LAMA2: variants seen among roughly 807,000 people sequenced by gnomAD.
The protein encoded by LAMA2 is laminin subunit alpha-2.
LAMA2 carries 269 observed loss-of-function variants against 364.8 expected under a neutral mutation model. The observed-to-expected ratio is 0.74, with a 90% CI of 0.67 to 0.82. The LOEUF (loss-of-function observed/expected upper bound fraction) is 0.82, where lower values mean the gene tolerates loss of function less well. Among genes scored for constraint, LAMA2 ranks in the 40% least tolerant of loss-of-function variants. The pLI is 0.00. For missense variants in LAMA2, 3,807 were observed against 3,873.2 expected (o/e 0.98, Z 0.45); for synonymous variants, 1,379 against 1,370.6 (o/e 1.01, Z -0.14).
chr6:129,312,728 A>G (rs1191654466), intron 22 of LAMA2, 133 bp from the exon 23 acceptor site: 21 of 723,300 alleles, frequency 2.9e-5, no homozygotes, highest in Non-Finnish European at 3.4e-5. Context: ...TGACTAAACT[A>G]GAATAGTACA....
chr6:129,275,458 A>G (rs1788242371), intron 17 of LAMA2, among the ~76,000 whole-genome samples: 1 of 152,052 alleles, frequency 6.6e-6, no homozygotes, highest in African/African-American at 2.4e-5. Flanking sequence ...AGTAATAGAA[A>G]CAATTACAGA....
At chr6:129,500,252 C>G (rs1785526110) in intron 58 of LAMA2, among the ~76,000 whole-genome samples, 1 of 152,156 alleles carries the variant, frequency 6.6e-6, no homozygotes, top group Non-Finnish European at 1.5e-5. Flanking sequence ...AGTCCTTTTC[C>G]AACTGCCAGT....
chr6:129,027,117 A>G (rs1785879046), intron 1 of LAMA2, among the ~76,000 whole-genome samples: 1 of 152,110 alleles, frequency 6.6e-6, no homozygotes, highest in South Asian at 2.1e-4. Context: ...AAAATGAACA[A>G]ACTTTGAGAA....
chr6:129,379,263 G>T (rs771664354), intron 34 of LAMA2, among the ~76,000 whole-genome samples: 1 of 152,084 alleles, frequency 6.6e-6, no homozygotes, highest in East Asian at 1.9e-4. Context: ...TAACTTATGG[G>T]CACTGGGCTT....
At chr6:129,397,217 ATACTT>A (rs1779703612) in intron 37 of LAMA2, among the ~76,000 whole-genome samples, 1 of 152,214 alleles carries the variant, frequency 6.6e-6, no homozygotes, top group African/African-American at 2.4e-5. Context: ...TTGAGCAATT[ATACTT>A]ATGCCATACT....
intron 1 of LAMA2, among the ~76,000 whole-genome samples, chr6:129,029,945 A>G (rs1445118336): frequency 6.6e-6 from 1 of 151,972 alleles, no homozygotes; most frequent in Non-Finnish European, 1.5e-5. Flanking sequence ...ATTAAAGGCC[A>G]CCTCTGGTTC....
chr6:129,357,664 C>T lies in LAMA2; in HGVS notation c.4717+4307C>T, dbSNP rs185474975. On this transcript the variant is annotated intron_variant, in intron 32 of 64. Transcript: ENST00000421865. ...GCAACTTCCAACCACTTGGTGAAAC[C>T]GGAAGTCTGAAGTTTTATCCTATCT... Among the ~76,000 whole-genome samples the T allele has an allele frequency of 3.2e-4, 48 of 152,020 alleles. No individual in the cohort carries two copies. In the East Asian group the frequency reaches 7.4e-3, roughly 23 times the overall value.
chr6:129,303,694 T>A (rs1773685689), intron 22 of LAMA2, among the ~76,000 whole-genome samples: 1 of 152,214 alleles, frequency 6.6e-6, no homozygotes, highest in Non-Finnish European at 1.5e-5. Context: ...TTTAAGCTGT[T>A]AATATGACAG....
chr6:129,094,511 A>G (rs557633294), intron 3 of LAMA2, among the ~76,000 whole-genome samples: 1 of 152,328 alleles, frequency 6.6e-6, no homozygotes, highest in African/African-American at 2.4e-5. Context: ...CACAGGAGCT[A>G]TGAAGTCATA....
Position 128,960,473 on chromosome 6 carries a change from G to GCCA in LAMA2, c.112+77118_112+77119insACC, listed in dbSNP as rs1781416785. On this transcript the variant is annotated intron_variant, in intron 1 of 64. Coordinates refer to ENST00000421865, the MANE Select transcript of LAMA2 (RefSeq NM_000426.4). ...CCGGCCTTGGCCCCACCCCGCCCCC[G>GCCA]CCGACCCCCATGAGTAGCTGGGATT... 2.6e-3 allele frequency among the ~76,000 whole-genome samples: 232 copies of GCCA among 89,418 alleles called. 1 individual carries two copies. Among genetic ancestry groups the GCCA allele is most frequent in the African/African-American group, 0.012 (225 of 18,610 alleles). The allele number at this position is 89,418 out of a possible 152,430, so 58.7% of individuals were successfully genotyped here. A position where few individuals can be genotyped will look rare whatever the true frequency, so the allele number is the denominator to read the frequency against.
At chr6:129,231,934 C>G (rs1443820913) in intron 12 of LAMA2, among the ~76,000 whole-genome samples, 1 of 151,972 alleles carries the variant, frequency 6.6e-6, no homozygotes, top group African/African-American at 2.4e-5. Flanking sequence ...ATGTCTTCAA[C>G]CTCTATGTAG....
At chr6:128,923,272 G>A (rs1778858610) in intron 1 of LAMA2, among the ~76,000 whole-genome samples, 1 of 151,646 alleles carries the variant, frequency 6.6e-6, no homozygotes, top group Admixed American at 6.6e-5. Context: ...TGATGGGAAT[G>A]GCATTGAATC....
chr6:129,386,538 G>A (rs1213380958), intron 35 of LAMA2, among the ~76,000 whole-genome samples: 1 of 151,784 alleles, frequency 6.6e-6, no homozygotes, highest in Admixed American at 6.6e-5. Context: ...ACTTTCAGTA[G>A]AAAAATAATG....
At chr6:129,034,658 A>G (rs942304776) in intron 1 of LAMA2, among the ~76,000 whole-genome samples, 10 of 152,020 alleles carry the variant, frequency 6.6e-5, no homozygotes, top group African/African-American at 2.4e-4. Flanking sequence ...CTGGGTGTCT[A>G]TTATTTCCAT....
chr6:129,031,153 G>A (rs1451590696), intron 1 of LAMA2, among the ~76,000 whole-genome samples: 2 of 152,086 alleles, frequency 1.3e-5, no homozygotes, highest in African/African-American at 4.8e-5. Context: ...AGAACAAAGT[G>A]TTTTGCTATA....
At chr6:129,345,828 C>T (rs554849765) in intron 30 of LAMA2, among the ~76,000 whole-genome samples, 12 of 152,044 alleles carry the variant, frequency 7.9e-5, no homozygotes, top group South Asian at 2.1e-4. Context: ...AAGCTTGGGA[C>T]GTATTAGGCT....
chr6:129,113,093 GA>G (rs1396939536), intron 4 of LAMA2, among the ~76,000 whole-genome samples: 1 of 152,020 alleles, frequency 6.6e-6, no homozygotes, highest in East Asian at 1.9e-4. Context: ...GCAGCATAAG[GA>G]ATAGAAACAT....
chr6:129,475,355 T>G (rs1249736689), intron 52 of LAMA2, 35 bp from the exon 53 acceptor site: 1 of 1,252,664 alleles, frequency 8.0e-7, no homozygotes, highest in African/African-American at 1.5e-5. Flanking sequence ...ATTGTTTTTA[T>G]TTTTGTTTTT....
intron 1 of LAMA2, among the ~76,000 whole-genome samples, chr6:128,912,090 G>C (rs1778006029): frequency 6.6e-6 from 1 of 152,202 alleles, no homozygotes; most frequent in East Asian, 1.9e-4. Flanking sequence ...CATGAATAAA[G>C]TTGCTATATA....
Sources: allele counts gnomAD v4.1 joint callset (sites outside exome capture counted in the v4.1 genomes callset), GRCh38; gene constraint gnomAD v4.1.1; transcripts MANE v1.5; gene names NCBI Gene and HGNC (gene_info 2026-07-23, HGNC 2026-07-21).